Variants in ANXA11 observed in about 807,000 individuals in gnomAD.
ANXA11 encodes annexin A11.
ANXA11 carries 57 observed loss-of-function variants against 64.7 expected under a neutral mutation model. The observed-to-expected ratio is 0.88, with a 90% CI of 0.71 to 1.10. The LOEUF (loss-of-function observed/expected upper bound fraction) is 1.10, where lower values mean the gene tolerates loss of function less well. Ranked by LOEUF, ANXA11 falls within the 50% of genes least tolerant of loss-of-function variation. The pLI, the probability that ANXA11 is intolerant of heterozygous loss-of-function variation, is 0.00. For synonymous variants in ANXA11, 260 were observed against 265.2 expected, an observed-to-expected ratio of 0.98 and a Z score of 0.19; for missense variants, 675 against 670.7, an observed-to-expected ratio of 1.01 and a Z score of -0.07.
At position 80,201,540 on chromosome 10, in the gene ANXA11, C is replaced by G. The variant is rs116331101; in HGVS notation, c.-58+3803G>C. ...TACATGATCTTCTTCATCCTCCAAA[C>G]CTGGTCCTCATCCAGTGTCCCATGT... On this transcript the variant is annotated intron_variant, in intron 1 of 15. Coordinates refer to ENST00000422982, the MANE Select transcript of ANXA11 (RefSeq NM_145868.2). 4.8e-3 allele frequency among the ~76,000 whole-genome samples: 725 copies of G among 152,276 alleles called. 5 individuals carry two copies. Among genetic ancestry groups the G allele is most frequent in the African/African-American group, 0.017 (692 of 41,554 alleles).
chr10:80,178,364 C>A (rs1846245672), intron 1 of ANXA11, among the ~76,000 whole-genome samples: 1 of 152,228 alleles, frequency 6.6e-6, no homozygotes, highest in Admixed American at 6.5e-5. Context: ...CGCTCTACGC[C>A]TGCTTCTAAT....
chr10:80,189,181 G>C (rs557740169), intron 1 of ANXA11, among the ~76,000 whole-genome samples: 7 of 152,192 alleles, frequency 4.6e-5, no homozygotes, highest in Non-Finnish European at 8.8e-5. Flanking sequence ...TCAAAGCAGA[G>C]AGCCTTTGTT....
intron 7 of ANXA11, 81 bp from the exon 8 acceptor site, chr10:80,166,278 G>T: frequency 1.3e-6 from 1 of 796,304 alleles, no homozygotes; most frequent in Non-Finnish European, 2.1e-6. Context: ...ACTAATAAGA[G>T]CCATATCCCA....
chr10:80,184,351 G>A (rs935320052), intron 1 of ANXA11, among the ~76,000 whole-genome samples: 3 of 152,096 alleles, frequency 2.0e-5, no homozygotes, highest in African/African-American at 7.2e-5. Flanking sequence ...ATGATGGTTC[G>A]ACTTATGATT....
intron 1 of ANXA11, among the ~76,000 whole-genome samples, chr10:80,200,495 T>G (rs920650891): frequency 6.6e-6 from 1 of 152,094 alleles, no homozygotes; most frequent in African/African-American, 2.4e-5. Flanking sequence ...CCTATATACA[T>G]GAAACACGAA....
chr10:80,160,201 A>G (rs768575848), intron 12 of ANXA11, among the ~76,000 whole-genome samples: 3 of 152,214 alleles, frequency 2.0e-5, no homozygotes, highest in Non-Finnish European at 4.4e-5. Context: ...CCTAAGTAAT[A>G]ATGTTTGTGA....
rs1402364924 is a variant in ANXA11 at position 80,156,919 on chromosome 10, CG to C, written c.1458+721del. On this transcript the variant is annotated intron_variant, in intron 15 of 15. Transcript: ENST00000422982. ...TGCTACTGAGTCTAAGGTGGGAGGA[CG>C]TGGTCCCCATGGTGCAATTGCAAGG... 1.9e-5 allele frequency: 16 copies of C among 860,478 alleles called. No homozygotes were observed. In the Admixed American group the frequency reaches 6.8e-4, roughly 37 times the overall value. The allele number at this position is 860,478 out of a possible 1,614,324, so 53.3% of individuals were successfully genotyped here.
At chr10:80,178,210 GCT>G (rs3060571) in intron 1 of ANXA11, among the ~76,000 whole-genome samples, 310 of 148,214 alleles carry the variant, frequency 2.1e-3, no homozygotes, top group Middle Eastern at 6.9e-3. Flanking sequence ...CAGAAGATCT[GCT>G]CTCTCTCTCT....
At chr10:80,199,844 A>G (rs1564629399) in intron 1 of ANXA11, among the ~76,000 whole-genome samples, 1 of 152,194 alleles carries the variant, frequency 6.6e-6, no homozygotes, top group Non-Finnish European at 1.5e-5. Context: ...AGGGTACAAC[A>G]AGGCATAGCC....
chr10:80,158,113 C>A, intron 13 of ANXA11, 88 bp from the exon 14 acceptor site: 1 of 1,230,670 alleles, frequency 8.1e-7, no homozygotes, highest in East Asian at 2.3e-5. Flanking sequence ...CTCTTAGAGG[C>A]CCAGATGTCA....
At chr10:80,165,281 G>A (rs989552854) in intron 8 of ANXA11, among the ~76,000 whole-genome samples, 3 of 152,232 alleles carry the variant, frequency 2.0e-5, no homozygotes, top group Non-Finnish European at 4.4e-5. Flanking sequence ...AGGCCTCTGA[G>A]TGACAGGCTC....
At position 80,169,330 on chromosome 10, in the gene ANXA11, C is replaced by A; in HGVS notation, c.200G>T (p.Gly67Val). 1 of 1,608,956 alleles carries A rather than the reference C, an allele frequency of 6.2e-7. No homozygotes were observed. The highest frequency in any genetic ancestry group is 1.3e-5 in the African/African-American group (1 of 75,022). The change falls in exon 5 of 16, where the codon GGA becomes GTA. Residue 67 changes from glycine to valine, a missense_variant. Transcript: ENST00000422982. ...MAANMSGTFG[G>V]ANMPNLYPGA... ...AGGGTACAGGTTGGGCATGTTGGCTCCTCCAAATGTCCCAGACATGTTGGC... is the reference window on the plus strand; with the variant it reads ...AGGGTACAGGTTGGGCATGTTGGCTACTCCAAATGTCCCAGACATGTTGGC...
At chr10:80,168,143 T>C (rs969766486) in intron 5 of ANXA11, among the ~76,000 whole-genome samples, 2 of 135,542 alleles carry the variant, frequency 1.5e-5, no homozygotes, top group Non-Finnish European at 3.4e-5. Flanking sequence ...TTCTAGGCTC[T>C]GCAAACACGA....
chr10:80,194,489 C>T (rs1002743659), intron 1 of ANXA11, among the ~76,000 whole-genome samples: 4 of 151,540 alleles, frequency 2.6e-5, no homozygotes, highest in Admixed American at 6.6e-5. Flanking sequence ...GGGAAACACA[C>T]ACTACAATAT....
intron 4 of ANXA11, among the ~76,000 whole-genome samples, chr10:80,170,067 C>A (rs1486088189): frequency 6.6e-6 from 1 of 152,158 alleles, no homozygotes; most frequent in East Asian, 1.9e-4. Context: ...CCCACCCCCA[C>A]TCCTGACCCC....
intron 9 of ANXA11, among the ~76,000 whole-genome samples, chr10:80,163,837 C>T (rs1845619036): frequency 1.3e-5 from 2 of 152,164 alleles, no homozygotes; most frequent in Admixed American, 6.5e-5. Flanking sequence ...TCCAGGTTTT[C>T]CCTGCCTCTC....
At chr10:80,164,628 G>C (rs949011170) in intron 8 of ANXA11, among the ~76,000 whole-genome samples, 1 of 152,182 alleles carries the variant, frequency 6.6e-6, no homozygotes, top group African/African-American at 2.4e-5. Context: ...AGGATGAATC[G>C]GACAACCACG....
intron 1 of ANXA11, among the ~76,000 whole-genome samples, chr10:80,183,032 C>T (rs2132457427): frequency 6.6e-6 from 1 of 152,288 alleles, no homozygotes. Flanking sequence ...AGTTCACATT[C>T]CGACCTGGTG....
chr10:80,166,024 G>A (rs949554318), intron 8 of ANXA11, 60 bp downstream of exon 8: 36 of 1,039,890 alleles, frequency 3.5e-5, no homozygotes, highest in Middle Eastern at 2.1e-4. Flanking sequence ...ACGCATGCGC[G>A]CGTGCGCACA....
Sources: gnomAD v4.1 joint callset for allele counts (sites outside exome capture counted in the v4.1 genomes callset) on GRCh38, gnomAD v4.1.1 for gene constraint, MANE v1.5 for transcripts, NCBI Gene and HGNC (gene_info 2026-07-23, HGNC 2026-07-21) for gene names.